Variants in UBE2R2 observed in about 807,000 individuals in gnomAD.
UBE2R2 encodes the protein ubiquitin-conjugating enzyme E2 R2.
UBE2R2 carries 1 observed loss-of-function variant against 27.8 expected under a neutral mutation model. The ratio of observed to expected loss-of-function variants is 0.04; its 90% confidence interval spans 0.01 to 0.17. The LOEUF is 0.17. Among genes scored for constraint, UBE2R2 ranks in the 10% least tolerant of loss-of-function variants. UBE2R2 has a pLI of 1.00. For synonymous variants in UBE2R2, 106 were observed against 113.3 expected (o/e 0.94, Z 0.41); for missense variants, 100 against 291.0 (o/e 0.34, Z 4.78).
chr9:33,824,570 C>T (rs1167827025), intron 1 of UBE2R2, among the ~76,000 whole-genome samples: 1 of 148,544 alleles, frequency 6.7e-6, no homozygotes, highest in Admixed American at 6.8e-5. Flanking sequence ...ACCCGGGAGG[C>T]GGAGCTTGCA....
intron 1 of UBE2R2, among the ~76,000 whole-genome samples, chr9:33,824,192 T>C (rs1048633430): frequency 2.0e-5 from 3 of 152,210 alleles, no homozygotes; most frequent in African/African-American, 7.2e-5. Context: ...TTCTTTTTGA[T>C]TAAGAAATTT....
At chr9:33,867,188 A>C (rs1171269238) in intron 1 of UBE2R2, among the ~76,000 whole-genome samples, 1 of 152,092 alleles carries the variant, frequency 6.6e-6, no homozygotes, top group Non-Finnish European at 1.5e-5. Flanking sequence ...GTGCCCGGCC[A>C]TAATTTTTTT....
intron 1 of UBE2R2, among the ~76,000 whole-genome samples, chr9:33,886,504 A>G (rs1821855651): frequency 6.6e-6 from 1 of 151,966 alleles, no homozygotes; most frequent in South Asian, 2.1e-4. Flanking sequence ...AAAATACAAA[A>G]ATTAGCCGGA....
rs749650019 is a variant in UBE2R2, at chr9:33,900,287, G to A, written c.362+16G>A. The A allele has an allele frequency of 6.3e-7, 1 of 1,587,554 alleles. No homozygotes were observed. Among genetic ancestry groups the A allele is most frequent in the Non-Finnish European group, 8.6e-7 (1 of 1,156,996 alleles). ...AGAATGTGAGGTAAGGAGGAATCTG[G>A]TTTTGGAGTTATTCTTAATCTCCTT... On this transcript the variant is annotated intron_variant, in intron 3 of 4. Coordinates refer to ENST00000263228, the MANE Select transcript of UBE2R2 (RefSeq NM_017811.4).
chr9:33,843,329 G>A (rs190194463), intron 1 of UBE2R2, among the ~76,000 whole-genome samples: 4 of 151,616 alleles, frequency 2.6e-5, no homozygotes, highest in Non-Finnish European at 5.9e-5. Flanking sequence ...GATTACAGGT[G>A]TGAGCCACCA....
intron 2 of UBE2R2, among the ~76,000 whole-genome samples, chr9:33,889,771 TC>T (rs1448975557): frequency 6.6e-6 from 1 of 152,220 alleles, no homozygotes; most frequent in Non-Finnish European, 1.5e-5. Flanking sequence ...CACTGCAACT[TC>T]TGCCTCCCTT....
intron 1 of UBE2R2, among the ~76,000 whole-genome samples, chr9:33,850,380 C>G (rs1200563794): frequency 1.3e-5 from 2 of 152,134 alleles, no homozygotes; most frequent in African/African-American, 4.8e-5. Flanking sequence ...GCTGCAGAGA[C>G]TGGGCGTGAG....
chr9:33,821,178 G>A lies in UBE2R2; in HGVS notation c.177+3244G>A, dbSNP rs1434159593. On this transcript the variant is annotated intron_variant, in intron 1 of 4. Transcript: ENST00000263228. ...TTTCTTTTGAAAGGAACTTTTTCAG[G>A]GTCTTTCTCTGTCACTTAGTTTGGG... 3.9e-5 allele frequency among the ~76,000 whole-genome samples: 6 copies of A among 152,164 alleles called. No individual in the cohort carries two copies. In the South Asian group the frequency reaches 1.2e-3, roughly 32 times the overall value.
intron 2 of UBE2R2, among the ~76,000 whole-genome samples, chr9:33,891,054 TG>T (rs1821971672): frequency 7.1e-6 from 1 of 141,600 alleles, no homozygotes; most frequent in Non-Finnish European, 1.6e-5. Flanking sequence ...TGTGTTTTTT[TG>T]TTTTTTTTTT....
chr9:33,829,803 T>G (rs544433927), intron 1 of UBE2R2, among the ~76,000 whole-genome samples: 18 of 150,706 alleles, frequency 1.2e-4, no homozygotes, highest in South Asian at 2.1e-4. Context: ...GTTTTTTTTT[T>G]TTTTTTTTTT....
intron 1 of UBE2R2, among the ~76,000 whole-genome samples, chr9:33,868,071 T>G (rs2130776237): frequency 6.6e-6 from 1 of 152,248 alleles, no homozygotes; most frequent in African/African-American, 2.4e-5. Context: ...AGTGGGTGGC[T>G]CTCAGCGGAA....
chr9:33,918,082 A>T lies in UBE2R2; in HGVS notation c.*845A>T, dbSNP rs999613797. On this transcript the variant is annotated 3_prime_UTR_variant, in exon 5 of 5. Transcript: ENST00000263228. ...GGAAGTTGGGATGAGTGCGTGTGGG[A>T]GCAAAGAGTTAAAAATCACTATGCT... is the stretch of plus-strand genomic sequence containing the variant. The T allele has an allele frequency of 6.5e-6, 1 of 153,488 alleles. No individual in the cohort carries two copies. Among genetic ancestry groups the T allele is most frequent in the African/African-American group, 2.4e-5 (1 of 41,394 alleles). 9.5% of individuals were successfully genotyped at this position (153,488 alleles called of 1,614,324 possible).
chr9:33,902,822 G>A (rs7037148), intron 3 of UBE2R2, among the ~76,000 whole-genome samples: 30,043 of 152,086 alleles, frequency 0.2, 3,254 homozygotes, highest in South Asian at 0.33. Flanking sequence ...GTTGTAGGCC[G>A]GGCGCAGTGG....
At chr9:33,848,842 G>A (rs528087341) in intron 1 of UBE2R2, among the ~76,000 whole-genome samples, 79 of 151,936 alleles carry the variant, frequency 5.2e-4, no homozygotes, top group African/African-American at 1.8e-3. Context: ...GACCTCAGGT[G>A]ATCCAACCAC....
chr9:33,871,902 C>T (rs944963198), intron 1 of UBE2R2, among the ~76,000 whole-genome samples: 3 of 151,850 alleles, frequency 2.0e-5, no homozygotes, highest in Non-Finnish European at 4.4e-5. Flanking sequence ...TTAGTAGAGA[C>T]GTGTTTTCAC....
intron 1 of UBE2R2, among the ~76,000 whole-genome samples, chr9:33,830,766 CA>C (rs1820454067): frequency 7.3e-6 from 1 of 137,410 alleles, no homozygotes; most frequent in Non-Finnish European, 1.6e-5. Flanking sequence ...GAATCCCTCT[CA>C]AAGGAAAAAA....
chr9:33,846,460 A>G (rs1191862633), intron 1 of UBE2R2, among the ~76,000 whole-genome samples: 1 of 152,164 alleles, frequency 6.6e-6, no homozygotes, highest in Non-Finnish European at 1.5e-5. Flanking sequence ...AATTTGACAA[A>G]ACATTCCTTG....
At chr9:33,826,559 A>G (rs986214220) in intron 1 of UBE2R2, among the ~76,000 whole-genome samples, 4 of 151,632 alleles carry the variant, frequency 2.6e-5, no homozygotes, top group East Asian at 2.0e-4. Context: ...TTAGCAGGGC[A>G]TGGTGGCACG....
At chr9:33,819,964 T>G (rs1003135251) in intron 1 of UBE2R2, among the ~76,000 whole-genome samples, 2 of 152,244 alleles carry the variant, frequency 1.3e-5, no homozygotes, top group Non-Finnish European at 2.9e-5. Context: ...AAAACATTGT[T>G]TAGCAAAATC....
Sources: gnomAD v4.1 joint callset for allele counts (sites outside exome capture counted in the v4.1 genomes callset) on GRCh38, gnomAD v4.1.1 for gene constraint, MANE v1.5 for transcripts, NCBI Gene and HGNC (gene_info 2026-07-23, HGNC 2026-07-21) for gene names.